Variants in WDR45 observed in about 807,000 individuals in gnomAD.
WDR45 encodes the protein WD repeat domain 45.
In WDR45, 2 loss-of-function variants were observed where a neutral mutation model predicts 27.3. The observed-to-expected ratio is 0.07, with a 90% confidence interval of 0.03 to 0.23. WDR45 has a LOEUF of 0.23. Ranked by LOEUF, WDR45 falls within the 10% of genes least tolerant of loss-of-function variation. WDR45 has a pLI of 1.00. For synonymous variants in WDR45, 99 were observed against 119.2 expected (o/e 0.83, Z 1.11); for missense variants, 175 against 311.9 (o/e 0.56, Z 3.31).
At chrX:49,091,532 G>C (rs1449400748) in intron 2 of WDR45, among the ~76,000 whole-genome samples, 2 of 103,899 alleles carry the variant, frequency 1.9e-5, no homozygotes, top group Non-Finnish European at 3.9e-5. Flanking sequence ...GGTGGATCAT[G>C]AGGTCAGGAG....
upstream of WDR45, among the ~76,000 whole-genome samples, chrX:49,081,508 TA>T (rs1215038744): frequency 6.1e-5 from 5 of 81,934 alleles, no homozygotes; most frequent in Non-Finnish European, 1.2e-4. Flanking sequence ...CCAGCCTGGG[TA>T]ATAGAGTGAG....
chrX:49,084,500 G>A (rs1034036730), upstream of WDR45, among the ~76,000 whole-genome samples: 1 of 109,965 alleles, frequency 9.1e-6, no homozygotes, highest in Admixed American at 9.7e-5. Flanking sequence ...AGACCAGTCT[G>A]GGCAAGTCCC....
chrX:49,074,920 A>G lies in WDR45; in HGVS notation c.974-8T>C, dbSNP rs1557083836. The stretch of plus-strand genomic sequence containing the variant: ...TCCCATCTACGCAGATGGCTGGGGG[A>G]GGGGGGGTGGTAAAAGGTCAGAGGC... On this transcript the variant is annotated splice_polypyrimidine_tract_variant and splice_region_variant and intron_variant, in intron 10 of 10. Transcript: ENST00000376372. The G allele has an allele frequency of 2.5e-5, 29 of 1,182,474 alleles. No homozygotes were observed.
chrX:49,078,517 G>A (rs782338871), intron 1 of WDR45, among the ~76,000 whole-genome samples: 79 of 111,723 alleles, frequency 7.1e-4, no homozygotes, highest in Non-Finnish European at 1.1e-3. Context: ...GCGAGACTCC[G>A]TCTCGGGGGG....
In WDR45 at chrX:49,075,184, T is replaced by C. The variant is rs782678286; in HGVS notation, c.925A>G (p.Ile309Val). The change falls in exon 10 of 11, where the codon ATC (isoleucine) becomes GTC (valine). Residue 309 changes from isoleucine to valine, a missense_variant. This residue lies in a region of WDR45 where 71 missense variants were observed against 123.0 expected (regional missense o/e 0.58). Transcript: ENST00000376372. Reference protein sequence around the residue: ...SFTVPAESACICAFGRNTSKN... With the variant: ...SFTVPAESACVCAFGRNTSKN... ...GAAGTATTGCGACCGAAGGCGCAGA[T>C]GCAAGCTGACTCAGCAGGCACAGTG... The C allele has an allele frequency of 8.2e-7, 1 of 1,212,385 alleles. No individual in the cohort carries two copies. Among genetic ancestry groups the C allele is most frequent in the Admixed American group, 2.2e-5 (1 of 46,160 alleles).
rs1557083805 is a variant in WDR45, at chrX:49,074,809, G to A, written c.1077C>T (p.Asp359=). The change falls in exon 11 of 11, where the codon GAC becomes GAT. Residue 359 remains aspartate (D), a synonymous_variant. Coordinates refer to ENST00000376372, the MANE Select transcript of WDR45 (RefSeq NM_001029896.2). The stretch of plus-strand genomic sequence containing the variant: ...AGCACAGCCCCCAGGGTCCTTAAAA[G>A]TCATCATCATCACAGATGTCAAGGT... ...DVYLDICDDD[D]F is the part of the protein sequence containing the mutation. 8.3e-7 allele frequency: 1 copy of A among 1,207,904 alleles called. No homozygotes were observed. Among genetic ancestry groups the A allele is most frequent in the Admixed American group, 2.2e-5 (1 of 46,089 alleles).
chrX:49,080,019 C>G (rs1221069881), upstream of WDR45: 2 of 113,188 alleles, frequency 1.8e-5, no homozygotes, highest in African/African-American at 6.4e-5. Context: ...GTGGGGTTCT[C>G]CGGGGAGGGC....
chrX:49,077,540 C>A, intron 4 of WDR45, 103 bp downstream of exon 4: 1 of 706,934 alleles, frequency 1.4e-6, no homozygotes, highest in Non-Finnish European at 2.2e-6. Flanking sequence ...CTCTGTGTGA[C>A]TCTGAAGTAC....
At chrX:49,091,456 A>G (rs1275008264) in intron 2 of WDR45, among the ~76,000 whole-genome samples, 1 of 104,505 alleles carries the variant, frequency 9.6e-6, no homozygotes, top group Non-Finnish European at 2.0e-5. Flanking sequence ...TAAAGAAAAG[A>G]AAGAAGGAAT....
chrX:49,092,984 G>A (rs1356991363), intron 2 of WDR45, among the ~76,000 whole-genome samples: 1 of 111,212 alleles, frequency 9.0e-6, no homozygotes, highest in Non-Finnish European at 1.9e-5. Context: ...CACCCAGGCT[G>A]GAGTGCAGTG....
chrX:49,087,868 A>C (rs781918265), intron 2 of WDR45, among the ~76,000 whole-genome samples: 1 of 112,719 alleles, frequency 8.9e-6, no homozygotes, highest in South Asian at 3.6e-4. Flanking sequence ...CTGCACTCCA[A>C]TCTGGGCAAC....
chrX:49,092,570 ACT>A (rs1340141722), intron 2 of WDR45, among the ~76,000 whole-genome samples: 1 of 111,410 alleles, frequency 9.0e-6, no homozygotes, highest in African/African-American at 3.3e-5. Context: ...TGTTTGTTAG[ACT>A]CTGCACACCT....
rs782473996 is a variant in WDR45, at chrX:49,076,768, G to A, written c.236-18C>T. The A allele has an allele frequency of 1.0e-5, 12 of 1,171,664 alleles. No individual in the cohort carries two copies. The Admixed American group carries it at 1.2e-4, about 11-fold the overall frequency. ...GATCAGCACTGCTGGGCAGGTGGGT[G>A]GGTTGTCGGGGCCAAGGTTTAGGGT... On this transcript the variant is annotated intron_variant, in intron 4 of 10. Transcript: ENST00000376372.
chrX:49,091,743 G>A (rs1286914636), intron 2 of WDR45, among the ~76,000 whole-genome samples: 12 of 62,357 alleles, frequency 1.9e-4, no homozygotes, highest in Admixed American at 2.3e-4. Flanking sequence ...GCGACAGAGC[G>A]AGACTCCGTC....
chrX:49,075,374 G>A lies in WDR45; in HGVS notation c.817C>T (p.Arg273Cys). 4 of 1,199,130 alleles carry A rather than the reference G, an allele frequency of 3.3e-6. No homozygotes were observed. Among genetic ancestry groups the A allele is most frequent in the Non-Finnish European group, 4.5e-6 (4 of 888,482 alleles). The change falls in exon 9 of 11, where the codon CGC (arginine) becomes TGC (cysteine). Residue 273 changes from arginine to cysteine, a missense_variant. By Grantham distance (180) the Arg-to-Cys change is radical. Transcript: ENST00000376372. ...GGAGGGGGTACTCACGCGGAGCGGC[G>A]GTTGAGGCGGGTATCCTTGAGAGCA... is the stretch of plus-strand genomic sequence containing the variant. ...IFALKDTRLN[R>C]RSALARVGKV...
chrX:49,096,987 C>T (rs2065127705), intron 2 of WDR45, among the ~76,000 whole-genome samples: 1 of 111,856 alleles, frequency 8.9e-6, no homozygotes, highest in Non-Finnish European at 1.9e-5. Context: ...ATCCGCCCAC[C>T]TCGGTCTCCC....
intron 10 of WDR45, 51 bp from the exon 11 acceptor site, chrX:49,074,963 C>T: frequency 8.8e-7 from 1 of 1,132,683 alleles, no homozygotes; most frequent in African/African-American, 1.8e-5. Flanking sequence ...GCCACAGGCT[C>T]CAGTCCTCTC....
upstream of WDR45, among the ~76,000 whole-genome samples, chrX:49,080,888 A>ATTTTT (rs782319738): frequency 4.7e-5 from 2 of 42,426 alleles, no homozygotes; most frequent in African/African-American, 9.1e-5. Flanking sequence ...ACTGGAAGGA[A>ATTTTT]TTTTTTTTTT....
chrX:49,082,230 T>G (rs2065070150), upstream of WDR45: 2 of 31,373 alleles, frequency 6.4e-5, no homozygotes, highest in South Asian at 0.014. Context: ...TTCACATTGA[T>G]GAAATCCCCC....
Sources: gnomAD v4.1 joint callset for allele counts (sites outside exome capture counted in the v4.1 genomes callset) on GRCh38, gnomAD v4.1.1 for gene constraint, gnomAD v4.1.1 regional missense constraint, MANE v1.5 for transcripts, NCBI Gene and HGNC (gene_info 2026-07-23, HGNC 2026-07-21) for gene names.